The following TRAM1 variants were observed in gnomAD, a reference collection of about 807,000 sequenced individuals.
TRAM1 encodes the protein translocation associated membrane protein 1.
Under a neutral mutation model 48.7 loss-of-function variants are expected in TRAM1, and 17 were observed. The ratio of observed to expected loss-of-function variants is 0.35; its 90% CI spans 0.24 to 0.52. The LOEUF is 0.52. TRAM1 is among the 20% of genes least tolerant of loss of function. TRAM1 has a pLI of 0.94. For synonymous variants in TRAM1, 182 were observed against 154.0 expected (o/e 1.18, Z -1.34); for missense variants, 351 against 441.5 (o/e 0.79, Z 1.84).
intron 6 of TRAM1, among the ~76,000 whole-genome samples, chr8:70,589,039 T>C (rs1387115031): frequency 6.6e-6 from 1 of 152,210 alleles, no homozygotes; most frequent in Admixed American, 6.5e-5. Flanking sequence ...TGAGAGCTAC[T>C]TCACCAAATC....
At chr8:70,603,242 T>TTA (rs35283143) in intron 1 of TRAM1, among the ~76,000 whole-genome samples, 30 of 150,738 alleles carry the variant, frequency 2.0e-4, no homozygotes, top group Middle Eastern at 3.5e-3. Context: ...TTTAGATTTT[T>TTA]TATATATATA....
At chr8:70,591,352 A>G (rs531978051) in intron 6 of TRAM1, among the ~76,000 whole-genome samples, 29 of 152,166 alleles carry the variant, frequency 1.9e-4, no homozygotes, top group African/African-American at 6.7e-4. Flanking sequence ...GCCTCCCTCA[A>G]TGTTCTCCAT....
In TRAM1 at chr8:70,608,151, C is replaced by G; in HGVS notation, c.49G>C (p.Glu17Gln). ...TCCGCGTGATTCTGCAGGACGAATT[C>G]GTGGCTCAGCACTGGGGGGCTCTTG... ...STKSPPVLSH[E>Q]FVLQNHADIV... is the part of the protein sequence containing the mutation. The change falls in exon 1 of 11, where the codon GAA becomes CAA. Residue 17 changes from glutamate (E) to glutamine (Q), a missense_variant. Coordinates refer to ENST00000262213, the MANE Select transcript of TRAM1 (RefSeq NM_014294.6). 6.3e-7 allele frequency: 1 copy of G among 1,599,960 alleles called. No homozygotes were observed. The highest frequency in any genetic ancestry group is 8.5e-7 in the Non-Finnish European group (1 of 1,174,132).
chr8:70,607,317 C>T, intron 1 of TRAM1: 1 of 985,368 alleles, frequency 1.0e-6, no homozygotes, highest in Non-Finnish European at 1.2e-6. Context: ...CAAAATTACT[C>T]GATTCCTTGG....
At chr8:70,579,044 T>C (rs1586750295) in intron 10 of TRAM1, among the ~76,000 whole-genome samples, 1 of 152,362 alleles carries the variant, frequency 6.6e-6, no homozygotes, top group African/African-American at 2.4e-5. Context: ...GACCAATTTA[T>C]AAATAAAACT....
At chr8:70,600,182 ACCAAGGG>A (rs1817577340) in intron 1 of TRAM1, 100 bp from the exon 2 acceptor site, 6 of 865,492 alleles carry the variant, frequency 6.9e-6, no homozygotes, top group Non-Finnish European at 1.1e-5. Context: ...AAATCGAAGC[ACCAAGGG>A]CCTCCTCGTT....
rs115750666 is a variant in TRAM1, at chr8:70,590,689, A to T, written c.571-3513T>A. 1.0e-2 allele frequency among the ~76,000 whole-genome samples: 1,523 copies of T among 152,354 alleles called. 24 individuals carry two copies. Among genetic ancestry groups the T allele is most frequent in the African/African-American group, 0.035 (1,441 of 41,586 alleles). On this transcript the variant is annotated intron_variant, in intron 6 of 10. Coordinates refer to ENST00000262213, the MANE Select transcript of TRAM1 (RefSeq NM_014294.6). Reference sequence around the variant, plus strand: ...GCCTTTCCTTTTGGATAGTCAACCGAGTCAATAATAATAGAGGGTAAAATG... The same window carrying T: ...GCCTTTCCTTTTGGATAGTCAACCGTGTCAATAATAATAGAGGGTAAAATG...
chr8:70,608,237 C>T lies in TRAM1; in HGVS notation c.-38G>A, dbSNP rs370180055. On this transcript the variant is annotated 5_prime_UTR_variant, in exon 1 of 11. Coordinates refer to ENST00000262213, the MANE Select transcript of TRAM1 (RefSeq NM_014294.6). ...GCCCGCGCCTGCAGGTGCTCCGCCC[C>T]GGTTCTGCTCTTCCCAGCTGCTCAC... The T allele has an allele frequency of 7.1e-6, 11 of 1,560,092 alleles. No individual in the cohort carries two copies. The highest frequency in any genetic ancestry group is 1.8e-4 in the Middle Eastern group (1 of 5,490).
At chr8:70,596,230 T>C in intron 5 of TRAM1, 33 bp downstream of exon 5, 1 of 1,537,208 alleles carries the variant, frequency 6.5e-7, no homozygotes, top group Non-Finnish European at 8.8e-7. Flanking sequence ...ACCATGGTCC[T>C]TAACAAAGAA....
Position 70,583,624 on chromosome 8 carries a change from T to C in TRAM1, c.890+26A>G, listed in dbSNP as rs749390707. 12 of 1,601,938 alleles carry C rather than the reference T, an allele frequency of 7.5e-6. No individual in the cohort carries two copies. The South Asian group carries it at 1.0e-4, about 14-fold the overall frequency. On this transcript the variant is annotated intron_variant, in intron 9 of 10. Transcript: ENST00000262213. ...ATATATATTATCTAGCTGTATAAAG[T>C]GAAAAAAATGTTAAATTGATCGTAC...
intron 10 of TRAM1, among the ~76,000 whole-genome samples, chr8:70,575,861 G>A (rs1409159144): frequency 6.6e-6 from 1 of 151,982 alleles, no homozygotes; most frequent in Non-Finnish European, 1.5e-5. Context: ...TGGATCACCT[G>A]AGGCCAGGAG....
intron 1 of TRAM1, among the ~76,000 whole-genome samples, chr8:70,603,616 C>T (rs1435033534): frequency 6.6e-6 from 1 of 152,182 alleles, no homozygotes; most frequent in African/African-American, 2.4e-5. Context: ...ACTCAGGATG[C>T]TGAGGCAGGA....
rs1013550168 is a variant in TRAM1, at chr8:70,574,580, T to C, written c.*352A>G. On this transcript the variant is annotated 3_prime_UTR_variant, in exon 11 of 11. Coordinates refer to ENST00000262213, the MANE Select transcript of TRAM1 (RefSeq NM_014294.6). ...CTTCTTAGAACAGGCCACTCTGCTATTATAAAAAATTGGTGACAGCAAGAA... is the reference window on the plus strand; with the variant it reads ...CTTCTTAGAACAGGCCACTCTGCTACTATAAAAAATTGGTGACAGCAAGAA... The C allele has an allele frequency of 4.7e-6, 1 of 212,862 alleles. No homozygotes were observed. The allele number at this position is 212,862 out of a possible 1,614,324, so 13.2% of individuals were successfully genotyped here.
chr8:70,588,742 T>C (rs1053262050), intron 6 of TRAM1, among the ~76,000 whole-genome samples: 1 of 152,210 alleles, frequency 6.6e-6, no homozygotes, highest in Non-Finnish European at 1.5e-5. Context: ...TACAAAACAC[T>C]GACAGTGATA....
Position 70,608,292 on chromosome 8 carries a change from C to A in TRAM1, c.-93G>T. On this transcript the variant is annotated 5_prime_UTR_variant, in exon 1 of 11. Coordinates refer to ENST00000262213, the MANE Select transcript of TRAM1 (RefSeq NM_014294.6). The stretch of plus-strand genomic sequence containing the variant: ...TCGCCGCCGCCTCCCGCTGGCTGCT[C>A]CTCACGGCCCCGCTGCAGCCGCTCG... The A allele has an allele frequency of 6.9e-7, 1 of 1,455,928 alleles. No homozygotes were observed. Among genetic ancestry groups the A allele is most frequent in the South Asian group, 1.3e-5 (1 of 74,274 alleles). The allele number at this position is 1,455,928 out of a possible 1,614,324, so 90.2% of individuals were successfully genotyped here.
At chr8:70,597,383 A>G (rs1007883273) in intron 4 of TRAM1, among the ~76,000 whole-genome samples, 2 of 152,142 alleles carry the variant, frequency 1.3e-5, no homozygotes, top group Non-Finnish European at 2.9e-5. Flanking sequence ...ATAAGATACA[A>G]AAGTAAGGCC....
intron 6 of TRAM1, among the ~76,000 whole-genome samples, chr8:70,589,449 CTATA>C (rs1485038535): frequency 6.6e-6 from 1 of 152,178 alleles, no homozygotes; most frequent in East Asian, 1.9e-4. Context: ...AGAAGTGCCA[CTATA>C]TATATGCCAG....
At chr8:70,604,218 C>G (rs1017987883) in intron 1 of TRAM1, among the ~76,000 whole-genome samples, 5 of 126,088 alleles carry the variant, frequency 4.0e-5, no homozygotes, top group African/African-American at 1.6e-4. Flanking sequence ...TAATTCTATG[C>G]TGTATGCAAT....
chr8:70,608,382 A>AC lies in TRAM1; in HGVS notation c.-184_-183insG. 1 of 631,938 alleles carries AC rather than the reference A, an allele frequency of 1.6e-6. No homozygotes were observed. The highest frequency in any genetic ancestry group is 2.4e-6 in the Non-Finnish European group (1 of 413,492). The allele number at this position is 631,938 out of a possible 1,614,324, so 39.1% of individuals were successfully genotyped here. The stretch of plus-strand genomic sequence containing the variant: ...GCCGGGCCGCCCGGGGGAAAAAAAA[A>AC]AACACAACAGCTAGCCCGCAGCGGG... On this transcript the variant is annotated 5_prime_UTR_variant, in exon 1 of 11. Coordinates refer to ENST00000262213, the MANE Select transcript of TRAM1 (RefSeq NM_014294.6).
Sources: allele counts gnomAD v4.1 joint callset (sites outside exome capture counted in the v4.1 genomes callset), GRCh38; gene constraint gnomAD v4.1.1; transcripts MANE v1.5; gene names NCBI Gene and HGNC (gene_info 2026-07-23, HGNC 2026-07-21).